Variants in GNPNAT1 observed in about 807,000 individuals in gnomAD.
GNPNAT1 encodes glucosamine-phosphate N-acetyltransferase 1.
A neutral mutation model predicts 19.8 loss-of-function variants in GNPNAT1; 11 were observed. That is an observed-to-expected ratio of 0.56 (90% CI 0.35 to 0.92). The LOEUF is 0.92. Among genes scored for constraint, GNPNAT1 ranks in the 40% least tolerant of loss-of-function variants. The pLI is 0.01. For missense variants in GNPNAT1, 157 were observed against 211.0 expected (o/e 0.74, Z 1.59); for synonymous variants, 71 against 72.3 (o/e 0.98, Z 0.09).
intron 5 of GNPNAT1, among the ~76,000 whole-genome samples, chr14:52,778,903 T>A (rs1425586803): frequency 2.6e-5 from 4 of 152,040 alleles, no homozygotes; most frequent in Non-Finnish European, 4.4e-5. Flanking sequence ...AAGTCGCAGC[T>A]ACTCCAGAGG....
intron 5 of GNPNAT1, among the ~76,000 whole-genome samples, chr14:52,779,724 T>TAA (rs35906707): frequency 0.33 from 12,414 of 38,096 alleles, 4,095 homozygotes; most frequent in East Asian, 0.45. Flanking sequence ...TCCCATCTCT[T>TAA]AAAAAAAAAA....
chr14:52,782,809 A>G lies in GNPNAT1; in HGVS notation c.217+614T>C, dbSNP rs1882924358. ...AATGAAGAATTGTAATTCCTCAGCT[A>G]TTAAATATTACTAAATATTTAGTAA... On this transcript the variant is annotated intron_variant, in intron 3 of 5. Transcript: ENST00000216410. 1.3e-5 allele frequency among the ~76,000 whole-genome samples: 2 copies of G among 152,092 alleles called. 1 individual carries two copies. Among genetic ancestry groups the G allele is most frequent in the South Asian group, 4.1e-4 (2 of 4,828 alleles).
In GNPNAT1 at chr14:52,788,274, C is replaced by T. The variant is rs188113795; in HGVS notation, c.-15+3154G>A. Among the ~76,000 whole-genome samples, 245 of 151,668 alleles carry T rather than the reference C, an allele frequency of 1.6e-3. 2 individuals are homozygous for T. The highest frequency in any genetic ancestry group is 5.7e-3 in the African/African-American group (235 of 41,544). On this transcript the variant is annotated intron_variant, in intron 1 of 5. Coordinates refer to ENST00000216410, the MANE Select transcript of GNPNAT1 (RefSeq NM_198066.4). ...TCAGCCTCCAGAGTAGTTGTGACTA[C>T]AGGCTCATACCACCACGCCTGGCTA...
At chr14:52,779,708 AAG>A (rs1232128335) in intron 5 of GNPNAT1, among the ~76,000 whole-genome samples, 1 of 140,586 alleles carries the variant, frequency 7.1e-6, no homozygotes, top group African/African-American at 2.6e-5. Flanking sequence ...GGGCAACAGA[AAG>A]AGATCCCATC....
Position 52,781,803 on chromosome 14 carries a change from A to C in GNPNAT1, c.326T>G (p.Phe109Cys). ...ACATACCTTAGCACAGGAATGGATG[A>C]ATTTATGTTCTATAATCAGAGTTGC... ...ATATLIIEHK[F>C]IHSCAKRGRV... The change falls in exon 4 of 6, where the codon TTC becomes TGC. Residue 109 changes from phenylalanine (F) to cysteine (C), a missense_variant. Transcript: ENST00000216410. 1 of 1,604,296 alleles carries C rather than the reference A, an allele frequency of 6.2e-7. No individual in the cohort carries two copies. Among genetic ancestry groups the C allele is most frequent in the Non-Finnish European group, 8.5e-7 (1 of 1,177,302 alleles).
At chr14:52,788,509 G>C (rs1223354791) in intron 1 of GNPNAT1, among the ~76,000 whole-genome samples, 3 of 152,182 alleles carry the variant, frequency 2.0e-5, no homozygotes, top group Admixed American at 1.3e-4. Flanking sequence ...TGAGGTTTTT[G>C]TGTGTAATCT....
rs1203905211 is a variant in GNPNAT1, at chr14:52,791,340, A to C, written c.-15+88T>G. On this transcript the variant is annotated intron_variant, in intron 1 of 5. Transcript: ENST00000216410. This position sits in a 1 kb window ranked among gnomAD's most constrained non-coding sequence, Gnocchi z 4.1. ...GGGGCCTGGCCGGGGCACCAGACACACCTGTTAGATAAACCTGAGGGCAGG... is the reference window on the plus strand; with the variant it reads ...GGGGCCTGGCCGGGGCACCAGACACCCCTGTTAGATAAACCTGAGGGCAGG... The C allele has an allele frequency of 1.3e-5, 2 of 152,484 alleles. No individual in the cohort carries two copies. The highest frequency in any genetic ancestry group is 6.5e-5 in the Admixed American group (1 of 15,272). The allele number at this position is 152,484 out of a possible 1,614,324, so 9.4% of individuals were successfully genotyped here.
chr14:52,779,835 A>C (rs985739225), intron 5 of GNPNAT1, among the ~76,000 whole-genome samples: 9 of 151,886 alleles, frequency 5.9e-5, no homozygotes, highest in African/African-American at 2.2e-4. Flanking sequence ...CATCTGGTAC[A>C]TAAGCAGGTA....
rs566818929 is a variant in GNPNAT1 at position 52,786,263 on chromosome 14, G to C, written c.-14-1599C>G. 2.0e-5 allele frequency among the ~76,000 whole-genome samples: 3 copies of C among 151,884 alleles called. No homozygotes were observed. In the East Asian group the frequency reaches 6.0e-4, roughly 30 times the overall value. On this transcript the variant is annotated intron_variant, in intron 1 of 5. Coordinates refer to ENST00000216410, the MANE Select transcript of GNPNAT1 (RefSeq NM_198066.4). The stretch of plus-strand genomic sequence containing the variant: ...CTCGTGCCTTTAATCCCAGCACTTT[G>C]AGAGGCAGAGGCAGGTAGATCACCA...
At chr14:52,781,388 G>A (rs1882891863) in intron 4 of GNPNAT1, among the ~76,000 whole-genome samples, 1 of 151,986 alleles carries the variant, frequency 6.6e-6, no homozygotes. Flanking sequence ...ACTATTTTAT[G>A]TGAGTTATTG....
chr14:52,785,158 C>A (rs1369349716), intron 1 of GNPNAT1, among the ~76,000 whole-genome samples: 2 of 151,764 alleles, frequency 1.3e-5, no homozygotes, highest in Non-Finnish European at 2.9e-5. Context: ...AAACTCCCGA[C>A]CTCAGGTGAT....
intron 4 of GNPNAT1, among the ~76,000 whole-genome samples, chr14:52,781,333 C>A (rs1433031260): frequency 6.6e-6 from 1 of 152,016 alleles, no homozygotes; most frequent in Non-Finnish European, 1.5e-5. Flanking sequence ...GTGTTCCTAC[C>A]TTATTCTCAT....
chr14:52,785,796 G>A (rs572097346), intron 1 of GNPNAT1, among the ~76,000 whole-genome samples: 220 of 149,310 alleles, frequency 1.5e-3, no homozygotes, highest in Non-Finnish European at 1.9e-3. Context: ...TGCCCAGGCT[G>A]GAGTGCAATG....
In GNPNAT1 at chr14:52,776,327, C is replaced by T. The variant is rs1317328847; in HGVS notation, c.*1984G>A. 2.0e-5 allele frequency: 3 copies of T among 152,196 alleles called. No individual in the cohort carries two copies. In the East Asian group the frequency reaches 5.8e-4, roughly 29 times the overall value. 9.4% of individuals were successfully genotyped at this position (152,196 alleles called of 1,614,324 possible). A position where few individuals can be genotyped will look rare whatever the true frequency, so the allele number is the denominator to read the frequency against. On this transcript the variant is annotated 3_prime_UTR_variant, in exon 6 of 6. Transcript: ENST00000216410. ...TTACTCACCATATGGCTTCAAAAAT[C>T]ATAAACATACTCAACTAAAATTACA...
rs1882691340 is a variant in GNPNAT1 at position 52,775,705 on chromosome 14, A to C, written c.*2606T>G. 6.6e-6 allele frequency: 1 copy of C among 151,750 alleles called. No homozygotes were observed. The allele number at this position is 151,750 out of a possible 1,614,324, so 9.4% of individuals were successfully genotyped here. On this transcript the variant is annotated 3_prime_UTR_variant, in exon 6 of 6. Coordinates refer to ENST00000216410, the MANE Select transcript of GNPNAT1 (RefSeq NM_198066.4). Reference sequence around the variant, plus strand: ...TCAGGAGTTTGAGACCGGCTTGGGCAATATAGTAAGACCCCACAGAAAAAT... The same window carrying C: ...TCAGGAGTTTGAGACCGGCTTGGGCCATATAGTAAGACCCCACAGAAAAAT...
At chr14:52,781,071 T>G (rs1248917827) in intron 4 of GNPNAT1, among the ~76,000 whole-genome samples, 1 of 152,130 alleles carries the variant, frequency 6.6e-6, no homozygotes, top group Admixed American at 6.5e-5. Flanking sequence ...TTTAAAGATG[T>G]TTTTACTTAT....
At chr14:52,782,561 T>C (rs371538738) in intron 3 of GNPNAT1, among the ~76,000 whole-genome samples, 25 of 152,200 alleles carry the variant, frequency 1.6e-4, no homozygotes, top group African/African-American at 6.0e-4. Flanking sequence ...TGAAATAACA[T>C]GGTTTCTCAT....
At chr14:52,779,941 C>G (rs929368898) in intron 5 of GNPNAT1, among the ~76,000 whole-genome samples, 4 of 151,980 alleles carry the variant, frequency 2.6e-5, no homozygotes, top group Non-Finnish European at 4.4e-5. Context: ...AATCCCAGCA[C>G]TTTGGGAGGC....
Position 52,778,227 on chromosome 14 carries a change from C to CT in GNPNAT1, c.*83_*84insA. ...CAGTCCAGTATTTATGGAGGTCACT[C>CT]GGCTGCAGCAACAAAATATTTCAAC... is the stretch of plus-strand genomic sequence containing the variant. On this transcript the variant is annotated 3_prime_UTR_variant, in exon 6 of 6. Transcript: ENST00000216410. 1 of 1,052,278 alleles carries CT rather than the reference C, an allele frequency of 9.5e-7. No homozygotes were observed. The highest frequency in any genetic ancestry group is 1.4e-6 in the Non-Finnish European group (1 of 734,634). 65.2% of individuals were successfully genotyped at this position (1,052,278 alleles called of 1,614,324 possible). A position where few individuals can be genotyped will look rare whatever the true frequency, so the allele number is the denominator to read the frequency against.
Sources: allele counts gnomAD v4.1 joint callset (sites outside exome capture counted in the v4.1 genomes callset), GRCh38; gene constraint gnomAD v4.1.1; non-coding constraint Gnocchi (gnomAD v3.1); transcripts MANE v1.5; gene names NCBI Gene and HGNC (gene_info 2026-07-23, HGNC 2026-07-21).